RGP1: variants seen among roughly 807,000 people sequenced by gnomAD.
The protein encoded by RGP1 is RAB6A-GEF complex partner protein 2.
A neutral mutation model predicts 44.5 loss-of-function variants in RGP1; 28 were observed. The ratio of observed to expected loss-of-function variants is 0.63; its 90% CI spans 0.47 to 0.86. The LOEUF (loss-of-function observed/expected upper bound fraction) is 0.86. RGP1 is among the 40% of genes least tolerant of loss of function. RGP1 has a pLI of 0.00. For missense variants in RGP1, 417 were observed against 490.7 expected, an observed-to-expected ratio of 0.85 and a Z score of 1.42; for synonymous variants, 212 against 196.7, an observed-to-expected ratio of 1.08 and a Z score of -0.65.
the RGP1 span, among the ~76,000 whole-genome samples, chr9:35,778,280 C>A: frequency 1.7e-4 from 26 of 152,060 alleles, no homozygotes; most frequent in Non-Finnish European, 3.5e-4. Context: ...ACAGCCTGGG[C>A]AACAAGAGCG....
chr9:35,760,266 G>A (rs956559831), downstream of RGP1, among the ~76,000 whole-genome samples: 2 of 151,920 alleles, frequency 1.3e-5, no homozygotes, highest in Non-Finnish European at 2.9e-5. Flanking sequence ...GGGGTGGGGG[G>A]CCATTGTTGG....
chr9:35,751,559 T>C, intron 6 of RGP1, 68 bp from the exon 7 acceptor site: 2 of 1,606,148 alleles, frequency 1.2e-6, no homozygotes, highest in Non-Finnish European at 8.5e-7. Context: ...TCTTTTGGCC[T>C]GTGGTGCCCA....
At chr9:35,789,329 CTTTTTTT>C in the RGP1 span, among the ~76,000 whole-genome samples, 34,169 of 137,552 alleles carry the variant, frequency 0.25, 4,650 homozygotes, top group African/African-American at 0.38. Flanking sequence ...CTTCCACTTC[CTTTTTTT>C]TTTTTTTTTT....
Position 35,750,318 on chromosome 9 carries a change from T to C in RGP1, c.192T>C (p.Pro64=), listed in dbSNP as rs1363730388. ...GTGAGAGTCGAGTAGCACTGCCTCC[T>C]CCTGACTCTAGTCAGCCAGATGTCC... The part of the protein sequence containing the change: ...HASESRVALP[P]PDSSQPDVQP... Residue 64 remains proline (P), a synonymous_variant, in exon 3 of 9, where the codon CCT becomes CCC. Transcript: ENST00000378078. 1 of 1,613,964 alleles carries C rather than the reference T, an allele frequency of 6.2e-7. No individual in the cohort carries two copies. Among genetic ancestry groups the C allele is most frequent in the Non-Finnish European group, 8.5e-7 (1 of 1,179,862 alleles).
At chr9:35,766,681 A>G in the RGP1 span, among the ~76,000 whole-genome samples, 1 of 152,136 alleles carries the variant, frequency 6.6e-6, no homozygotes, top group African/African-American at 2.4e-5. Flanking sequence ...TTTTGTTCTC[A>G]CTGCACAAAA....
the RGP1 span, among the ~76,000 whole-genome samples, chr9:35,779,737 G>A: frequency 1.3e-5 from 2 of 152,282 alleles, no homozygotes; most frequent in South Asian, 4.1e-4. Flanking sequence ...TGTCTCATAA[G>A]AGAGCCAGCA....
chr9:35,766,302 A>G, the RGP1 span, among the ~76,000 whole-genome samples: 1 of 152,098 alleles, frequency 6.6e-6, no homozygotes, highest in Admixed American at 6.6e-5. Flanking sequence ...TATTCAAAGT[A>G]TTTGCCCATT....
chr9:35,765,684 A>T, the RGP1 span, among the ~76,000 whole-genome samples: 1 of 151,448 alleles, frequency 6.6e-6, no homozygotes, highest in Non-Finnish European at 1.5e-5. Context: ...TTACTGATTT[A>T]TTCATAAAAT....
rs892095957 is a variant in RGP1, at chr9:35,753,884, C to T, written c.*1010C>T. 5.8e-6 allele frequency: 9 copies of T among 1,546,996 alleles called. No homozygotes were observed. The highest frequency in any genetic ancestry group is 7.9e-6 in the Non-Finnish European group (9 of 1,136,402). ...CTATCCCCGTATTTAGTTTGTCTTTCCTGTTTCACAGCTGGAGGAAGCCTG... is the reference window on the plus strand; with the variant it reads ...CTATCCCCGTATTTAGTTTGTCTTTTCTGTTTCACAGCTGGAGGAAGCCTG... On this transcript the variant is annotated 3_prime_UTR_variant, in exon 9 of 9. Coordinates refer to ENST00000378078, the MANE Select transcript of RGP1 (RefSeq NM_001080496.3). The surrounding 1 kb of genome is among the most constrained non-coding windows in gnomAD (Gnocchi z 4.2).
the RGP1 span, among the ~76,000 whole-genome samples, chr9:35,766,225 T>C: frequency 2.0e-5 from 3 of 152,010 alleles, no homozygotes; most frequent in African/African-American, 7.2e-5. Context: ...ATTTTCCTAA[T>C]GTTTAATGAC....
At chr9:35,770,734 T>C in the RGP1 span, among the ~76,000 whole-genome samples, 1 of 152,124 alleles carries the variant, frequency 6.6e-6, no homozygotes, top group Non-Finnish European at 1.5e-5. Flanking sequence ...TTGGCTGCAC[T>C]CCTGGAGATG....
At chr9:35,765,958 C>G in the RGP1 span, among the ~76,000 whole-genome samples, 1 of 151,208 alleles carries the variant, frequency 6.6e-6, no homozygotes, top group Admixed American at 6.6e-5. Context: ...CCTCAGCCTC[C>G]TGAGTAGCTG....
Position 35,750,980 on chromosome 9 carries a change from G to T in RGP1, c.478G>T (p.Val160Leu). 1 of 1,613,684 alleles carries T rather than the reference G, an allele frequency of 6.2e-7. No homozygotes were observed. Among genetic ancestry groups the T allele is most frequent in the Non-Finnish European group, 8.5e-7 (1 of 1,179,848 alleles). Reference sequence around the variant, plus strand: ...ACTCAGAGTCCCTCTGAGGGTTCTTGTGCTGACTGGTAAGCAAGGGCTCCT... The same window carrying T: ...ACTCAGAGTCCCTCTGAGGGTTCTTTTGCTGACTGGTAAGCAAGGGCTCCT... Reference protein sequence around the residue: ...TLLRVPLRVLVLTGLQDVRFP... With the variant: ...TLLRVPLRVLLLTGLQDVRFP... The change falls in exon 5 of 9, where the codon GTG becomes TTG. Residue 160 changes from valine (V) to leucine (L), a missense_variant. Coordinates refer to ENST00000378078, the MANE Select transcript of RGP1 (RefSeq NM_001080496.3).
At chr9:35,750,021 A>G in intron 2 of RGP1, 150 bp downstream of exon 2, 1 of 860,964 alleles carries the variant, frequency 1.2e-6, no homozygotes. Context: ...TTAACAGAAG[A>G]TGTGGATGAC....
the RGP1 span, among the ~76,000 whole-genome samples, chr9:35,773,072 T>C: frequency 1.3e-5 from 2 of 152,114 alleles, no homozygotes; most frequent in Non-Finnish European, 2.9e-5. Flanking sequence ...TATAGCTTCT[T>C]ATTGCAAAAG....
At position 35,754,326 on chromosome 9, in the gene RGP1, C is replaced by T. The variant is rs1588037201; in HGVS notation, c.*1452C>T. The T allele has an allele frequency of 1.8e-6, 1 of 559,256 alleles. No homozygotes were observed. Among genetic ancestry groups the T allele is most frequent in the Non-Finnish European group, 2.9e-6 (1 of 342,400 alleles). The allele number at this position is 559,256 out of a possible 1,614,324, so 34.6% of individuals were successfully genotyped here. ...ATAAAGTGAGGACCCTGGCCCCCTGCTGAGTAGAGCTGGAAAAGTTGTAAC... is the reference window on the plus strand; with the variant it reads ...ATAAAGTGAGGACCCTGGCCCCCTGTTGAGTAGAGCTGGAAAAGTTGTAAC... On this transcript the variant is annotated 3_prime_UTR_variant, in exon 9 of 9. Transcript: ENST00000378078.
the RGP1 span, among the ~76,000 whole-genome samples, chr9:35,781,361 G>T: frequency 7.3e-6 from 1 of 137,564 alleles, no homozygotes; most frequent in Non-Finnish European, 1.5e-5. Context: ...TCCTGGAGGG[G>T]CATTTTGGTC....
downstream of RGP1, among the ~76,000 whole-genome samples, chr9:35,763,279 T>C (rs1268510265): frequency 6.6e-6 from 1 of 152,220 alleles, no homozygotes; most frequent in Non-Finnish European, 1.5e-5. Flanking sequence ...CAGGCTAACC[T>C]TGTGTTAGCA....
the RGP1 span, among the ~76,000 whole-genome samples, chr9:35,788,701 G>C: frequency 2.0e-5 from 3 of 152,318 alleles, no homozygotes; most frequent in Admixed American, 6.5e-5. Context: ...GACCCTAGCT[G>C]GTTGCTGCTT....
Sources: gnomAD v4.1 joint callset for allele counts (sites outside exome capture counted in the v4.1 genomes callset) on GRCh38, gnomAD v4.1.1 for gene constraint, Gnocchi (gnomAD v3.1) non-coding constraint, MANE v1.5 for transcripts, NCBI Gene and HGNC (gene_info 2026-07-23, HGNC 2026-07-21) for gene names.